Variants in ANO10 observed in about 807,000 individuals in gnomAD.
The protein encoded by ANO10 is anoctamin 10.
A neutral mutation model predicts 74.7 loss-of-function variants in ANO10; 77 were observed. The ratio of observed to expected loss-of-function variants is 1.03; its 90% confidence interval spans 0.86 to 1.25. ANO10 has a LOEUF of 1.25. ANO10 is among the 50% of genes most tolerant of loss of function. The probability of loss-of-function intolerance (pLI) is 0.00; values close to 1 mark genes in which losing one functional copy is unlikely to be tolerated. For synonymous variants in ANO10, 279 were observed against 284.9 expected (o/e 0.98, Z 0.21); for missense variants, 721 against 778.1 (o/e 0.93, Z 0.87).
At chr3:43,686,488 G>T (rs985942748) in intron 1 of ANO10, among the ~76,000 whole-genome samples, 2 of 151,978 alleles carry the variant, frequency 1.3e-5, no homozygotes, top group African/African-American at 4.8e-5. Flanking sequence ...GTCTTGCCAC[G>T]TTGCCCAAGC....
At chr3:43,615,367 T>TTG (rs10662980) in intron 1 of ANO10, among the ~76,000 whole-genome samples, 84,346 of 151,180 alleles carry the variant, frequency 0.56, 24,568 homozygotes, top group East Asian at 0.89. Context: ...CATCAAGCTA[T>TTG]TGTGTGTGTG....
chr3:43,545,564 T>C (rs1013956137), intron 11 of ANO10, among the ~76,000 whole-genome samples: 3 of 152,014 alleles, frequency 2.0e-5, no homozygotes, highest in Admixed American at 6.5e-5. Flanking sequence ...CGGGGTTTCA[T>C]CATGTTGACC....
At chr3:43,473,609 C>T (rs1359512883) in intron 11 of ANO10, among the ~76,000 whole-genome samples, 1 of 152,172 alleles carries the variant, frequency 6.6e-6, no homozygotes, top group Non-Finnish European at 1.5e-5. Flanking sequence ...ACTTTATGCC[C>T]AATACTGTTC....
At chr3:43,472,756 G>A (rs2075914145) in intron 11 of ANO10, among the ~76,000 whole-genome samples, 1 of 152,178 alleles carries the variant, frequency 6.6e-6, no homozygotes, top group African/African-American at 2.4e-5. Context: ...AGGAAATTAT[G>A]AAATTCTTGT....
intron 1 of ANO10, among the ~76,000 whole-genome samples, chr3:43,666,599 T>C (rs1267572953): frequency 6.6e-6 from 1 of 152,172 alleles, no homozygotes; most frequent in East Asian, 1.9e-4. Flanking sequence ...ATCATAGATA[T>C]CTATCAATAT....
At chr3:43,490,804 A>C (rs957946909) in intron 11 of ANO10, among the ~76,000 whole-genome samples, 2 of 152,150 alleles carry the variant, frequency 1.3e-5, no homozygotes, top group African/African-American at 4.8e-5. Flanking sequence ...CACCACCCCC[A>C]CACACACACC....
chr3:43,677,132 A>G (rs779500091), intron 1 of ANO10, among the ~76,000 whole-genome samples: 5 of 152,214 alleles, frequency 3.3e-5, no homozygotes, highest in Non-Finnish European at 5.9e-5. Context: ...TGCGGTACAC[A>G]TACACCATGG....
chr3:43,424,991 C>T (rs1337459055), intron 12 of ANO10, among the ~76,000 whole-genome samples: 2 of 151,934 alleles, frequency 1.3e-5, no homozygotes, highest in Admixed American at 6.6e-5. Flanking sequence ...GACTTGGGGC[C>T]CCAGGAAGTA....
chr3:43,442,403 G>T (rs926725422), intron 11 of ANO10, among the ~76,000 whole-genome samples: 1 of 151,734 alleles, frequency 6.6e-6, no homozygotes, highest in Admixed American at 6.6e-5. Flanking sequence ...AATTTGAAAA[G>T]GAAATTGAGA....
chr3:43,387,412 G>A (rs2092153968), intron 12 of ANO10, among the ~76,000 whole-genome samples: 1 of 152,172 alleles, frequency 6.6e-6, no homozygotes, highest in South Asian at 2.1e-4. Context: ...CTGGGCGGCA[G>A]GGAGAGCTTG....
intron 11 of ANO10, among the ~76,000 whole-genome samples, chr3:43,436,495 T>G (rs563784852): frequency 1.5e-4 from 23 of 151,796 alleles, no homozygotes; most frequent in African/African-American, 4.6e-4. Flanking sequence ...GGGGGGAGGG[T>G]AGGGTGAGGA....
intron 11 of ANO10, among the ~76,000 whole-genome samples, chr3:43,547,977 G>A (rs553123440): frequency 2.0e-5 from 3 of 152,338 alleles, no homozygotes; most frequent in African/African-American, 7.2e-5. Flanking sequence ...GCTCTGTGTG[G>A]AGGTAGGGAT....
intron 5 of ANO10, among the ~76,000 whole-genome samples, chr3:43,578,330 G>T (rs1398328312): frequency 6.6e-6 from 1 of 151,980 alleles, no homozygotes; most frequent in Non-Finnish European, 1.5e-5. Flanking sequence ...CAATCTCAAG[G>T]AGCCTCAAGA....
intron 12 of ANO10, among the ~76,000 whole-genome samples, chr3:43,413,316 C>T (rs1460055872): frequency 6.6e-6 from 1 of 152,096 alleles, no homozygotes; most frequent in Non-Finnish European, 1.5e-5. Context: ...TGTCCCCACT[C>T]AAATCTTATG....
intron 11 of ANO10, among the ~76,000 whole-genome samples, chr3:43,459,072 G>A (rs919505155): frequency 1.3e-5 from 2 of 152,102 alleles, no homozygotes; most frequent in African/African-American, 4.8e-5. Context: ...AGAAGAGAAA[G>A]GCAGCACTGT....
chr3:43,630,176 C>G (rs903704394), intron 1 of ANO10, among the ~76,000 whole-genome samples: 1 of 152,064 alleles, frequency 6.6e-6, no homozygotes, highest in African/African-American at 2.4e-5. Context: ...AAGATAAGAA[C>G]TGAAAAAATA....
At chr3:43,675,696 C>T (rs2084112995) in intron 1 of ANO10, among the ~76,000 whole-genome samples, 1 of 151,920 alleles carries the variant, frequency 6.6e-6, no homozygotes, top group African/African-American at 2.4e-5. Flanking sequence ...ACTACACACC[C>T]ATCACTACAC....
intron 12 of ANO10, among the ~76,000 whole-genome samples, chr3:43,368,273 C>A (rs2091478545): frequency 2.0e-5 from 3 of 152,082 alleles, no homozygotes; most frequent in African/African-American, 2.4e-5. Context: ...GTCAAGGTGA[C>A]CAGTTTACCT....
intron 1 of ANO10, among the ~76,000 whole-genome samples, chr3:43,647,728 C>T (rs888887883): frequency 3.3e-5 from 5 of 152,116 alleles, no homozygotes; most frequent in African/African-American, 1.2e-4. Flanking sequence ...AGCCATATCC[C>T]CATGGGCTCT....
Sources: gnomAD v4.1 joint callset for allele counts (sites outside exome capture counted in the v4.1 genomes callset) on GRCh38, gnomAD v4.1.1 for gene constraint, MANE v1.5 for transcripts, NCBI Gene and HGNC (gene_info 2026-07-23, HGNC 2026-07-21) for gene names.